The following TRAF3 variants were observed in gnomAD, a reference collection of about 807,000 sequenced individuals.
TRAF3 encodes TNF receptor associated factor 3.
Under a neutral mutation model 62.3 loss-of-function variants are expected in TRAF3, and 13 were observed. The ratio of observed to expected loss-of-function variants is 0.21; its 90% CI spans 0.14 to 0.33. The LOEUF is 0.33. TRAF3 is among the 10% of genes least tolerant of loss of function. The pLI is 1.00. For missense variants in TRAF3, 440 were observed against 741.8 expected (o/e 0.59, Z 4.73); for synonymous variants, 269 against 283.4 (o/e 0.95, Z 0.51).
At chr14:102,884,366 C>T (rs2139905557) in intron 6 of TRAF3, among the ~76,000 whole-genome samples, 1 of 152,236 alleles carries the variant, frequency 6.6e-6, no homozygotes, top group East Asian at 1.9e-4. Flanking sequence ...ATCTTATTTC[C>T]AAATAAGGTC....
chr14:102,823,256 G>T (rs1393316140), intron 1 of TRAF3, among the ~76,000 whole-genome samples: 3 of 152,118 alleles, frequency 2.0e-5, no homozygotes, highest in Admixed American at 6.6e-5. Flanking sequence ...GCATTATGTT[G>T]AGTTAATGTG....
chr14:102,809,737 A>C (rs1181476270), intron 1 of TRAF3, among the ~76,000 whole-genome samples: 20 of 151,138 alleles, frequency 1.3e-4, no homozygotes, highest in Non-Finnish European at 2.9e-5. Flanking sequence ...TCACCATGTT[A>C]GCCAGGATGG....
chr14:102,780,769 C>T (rs889015776), intron 1 of TRAF3, among the ~76,000 whole-genome samples: 1 of 152,074 alleles, frequency 6.6e-6, no homozygotes, highest in Non-Finnish European at 1.5e-5. Context: ...GTTCTGGTTA[C>T]CGTGCTGGGA....
Position 102,897,369 on chromosome 14 carries a change from C to T in TRAF3, c.928C>T (p.Arg310Ter). ...AATTGAGAGACAAAAGGAAATGCTTCGAAATAATGAATCCAAAATCCTTCA... is the reference window on the plus strand; with the variant it reads ...AATTGAGAGACAAAAGGAAATGCTTTGAAATAATGAATCCAAAATCCTTCA... Reference protein sequence around the residue: ...IEIERQKEMLRNNESKILHLQ... With the variant: ...IEIERQKEML The change falls in exon 10 of 12, where the codon CGA (arginine) becomes TGA (stop). Residue 310 changes from arginine to a stop codon, truncating the protein, a stop_gained. Coordinates refer to ENST00000392745, the MANE Select transcript of TRAF3 (RefSeq NM_145725.3). LOFTEE classifies it high-confidence loss of function. The T allele has an allele frequency of 1.2e-6, 2 of 1,613,868 alleles. No homozygotes were observed. Among genetic ancestry groups the T allele is most frequent in the Non-Finnish European group, 1.7e-6 (2 of 1,179,908 alleles).
chr14:102,885,378 G>A (rs1431903490), intron 6 of TRAF3, among the ~76,000 whole-genome samples: 3 of 152,170 alleles, frequency 2.0e-5, no homozygotes, highest in Non-Finnish European at 4.4e-5. Context: ...CTGGGAAACC[G>A]CTGCCACAGT....
intron 1 of TRAF3, among the ~76,000 whole-genome samples, chr14:102,808,717 TA>T (rs1898926983): frequency 6.6e-6 from 1 of 152,196 alleles, no homozygotes; most frequent in African/African-American, 2.4e-5. Flanking sequence ...ACATTTTCAG[TA>T]TTTGGGGAAA....
chr14:102,856,113 A>AC (rs1428540812), intron 2 of TRAF3, among the ~76,000 whole-genome samples: 1 of 151,810 alleles, frequency 6.6e-6, no homozygotes, highest in African/African-American at 2.4e-5. Flanking sequence ...AAAAAAAAAA[A>AC]AAAAAAAATT....
At chr14:102,872,699 C>CTTTTT (rs561941029) in intron 4 of TRAF3, among the ~76,000 whole-genome samples, 3 of 148,140 alleles carry the variant, frequency 2.0e-5, no homozygotes, top group Non-Finnish European at 1.5e-5. Context: ...TCTTCTTTTT[C>CTTTTT]TTTTTTTTTT....
intron 1 of TRAF3, among the ~76,000 whole-genome samples, chr14:102,805,343 ATG>A (rs1166789433): frequency 1.3e-5 from 2 of 152,228 alleles, no homozygotes; most frequent in African/African-American, 4.8e-5. Context: ...GATACTAAAA[ATG>A]TCCCAAGTGA....
In TRAF3 at chr14:102,906,694, A is replaced by C. The variant is rs1890599083; in HGVS notation, c.*910A>C. On this transcript the variant is annotated 3_prime_UTR_variant, in exon 12 of 12. Transcript: ENST00000392745. ...GTTGAACTTTGGAGTTCTAAACAAA[A>C]TCCTGTAGGTGTTTGGATTCTGCCC... is the stretch of plus-strand genomic sequence containing the variant. 1 of 152,214 alleles carries C rather than the reference A, an allele frequency of 6.6e-6. No individual in the cohort carries two copies. The highest frequency in any genetic ancestry group is 1.5e-5 in the Non-Finnish European group (1 of 68,030). The allele number at this position is 152,214 out of a possible 1,614,324, so 9.4% of individuals were successfully genotyped here.
Position 102,886,239 on chromosome 14 carries a change from G to C in TRAF3, c.621G>C (p.Lys207Asn), listed in dbSNP as rs770725752. 1 of 1,612,658 alleles carries C rather than the reference G, an allele frequency of 6.2e-7. No homozygotes were observed. The highest frequency in any genetic ancestry group is 8.5e-7 in the Non-Finnish European group (1 of 1,179,732). Residue 207 changes from lysine to asparagine, a missense_variant, in exon 7 of 12, where the codon AAG (lysine) becomes AAC (asparagine). Transcript: ENST00000392745. The part of the protein sequence containing the change: ...CPCVVVSCPH[K>N]CSVQTLLRSE... Reference sequence around the variant, plus strand: ...GCGTGGTGGTGTCCTGCCCTCACAAGTGCAGCGTCCAGACTCTCCTGAGGA... The same window carrying C: ...GCGTGGTGGTGTCCTGCCCTCACAACTGCAGCGTCCAGACTCTCCTGAGGA...
intron 1 of TRAF3, among the ~76,000 whole-genome samples, chr14:102,782,616 T>C (rs946960747): frequency 6.6e-6 from 1 of 152,086 alleles, no homozygotes; most frequent in Non-Finnish European, 1.5e-5. Context: ...TCCTTAATTC[T>C]CAAGAACTGA....
At chr14:102,777,802 G>GCGGCGCAGGCCCGGCC (rs1451472130) in intron 1 of TRAF3, 127 bp downstream of exon 1, 11 of 145,122 alleles carry the variant, frequency 7.6e-5, no homozygotes, top group African/African-American at 2.2e-4. Context: ...CGGGCCCGGC[G>GCGGCGCAGGCCCGGCC]CGGCGCAGGC....
At chr14:102,855,330 A>G (rs1363668450) in intron 2 of TRAF3, among the ~76,000 whole-genome samples, 1 of 152,006 alleles carries the variant, frequency 6.6e-6, no homozygotes, top group Non-Finnish European at 1.5e-5. Flanking sequence ...TTTTTCAGTT[A>G]TTTTGAGCAT....
chr14:102,856,592 G>A (rs1255731643), intron 2 of TRAF3, among the ~76,000 whole-genome samples: 2 of 152,002 alleles, frequency 1.3e-5, no homozygotes, highest in East Asian at 1.9e-4. Flanking sequence ...ATCTTGTGCC[G>A]ACCTCCTGTC....
chr14:102,874,652 T>TC (rs1019653344), intron 4 of TRAF3, among the ~76,000 whole-genome samples: 6 of 144,120 alleles, frequency 4.2e-5, no homozygotes, highest in African/African-American at 1.1e-4. Context: ...TTCTTCTTCT[T>TC]TTTTTTTTTT....
At chr14:102,880,943 GGCAGGTGCCTGTAATC>G (rs1319559944) in intron 6 of TRAF3, among the ~76,000 whole-genome samples, 3 of 152,106 alleles carry the variant, frequency 2.0e-5, no homozygotes, top group East Asian at 1.9e-4. Flanking sequence ...CGGGTGTGGT[GGCAGGTGCCTGTAATC>G]GCAGGTGCCT....
intron 6 of TRAF3, among the ~76,000 whole-genome samples, chr14:102,879,738 G>A (rs1305904589): frequency 6.6e-6 from 1 of 151,674 alleles, no homozygotes; most frequent in African/African-American, 2.4e-5. Context: ...AATTTGCCTT[G>A]CTTTCTGTAA....
intron 2 of TRAF3, among the ~76,000 whole-genome samples, chr14:102,854,188 T>C (rs532150490): frequency 2.4e-4 from 36 of 152,352 alleles, no homozygotes; most frequent in African/African-American, 7.2e-4. Context: ...CATTTACCAG[T>C]TGACCATTTG....
Sources: gnomAD v4.1 joint callset for allele counts (sites outside exome capture counted in the v4.1 genomes callset) on GRCh38, gnomAD v4.1.1 for gene constraint, MANE v1.5 for transcripts, NCBI Gene and HGNC (gene_info 2026-07-23, HGNC 2026-07-21) for gene names.